The following BMP1 variants were observed in gnomAD, a reference collection of about 807,000 sequenced individuals.
The protein encoded by BMP1 is mammalian tolloid protein.
Under a neutral mutation model 116.8 loss-of-function variants are expected in BMP1, and 63 were observed. The ratio of observed to expected loss-of-function variants is 0.54; its 90% CI spans 0.44 to 0.67. The LOEUF (loss-of-function observed/expected upper bound fraction) is 0.67, where lower values mean the gene tolerates loss of function less well. BMP1 is among the 30% of genes least tolerant of loss of function. The pLI, the probability that BMP1 is intolerant of heterozygous loss-of-function variation, is 0.00. For missense variants in BMP1, 1,183 were observed against 1,358.9 expected, an observed-to-expected ratio of 0.87 and a Z score of 2.04; for synonymous variants, 536 against 533.4, an observed-to-expected ratio of 1.00 and a Z score of -0.07.
intron 16 of BMP1, among the ~76,000 whole-genome samples, chr8:22,206,191 A>G (rs1829350883): frequency 1.3e-5 from 2 of 151,810 alleles, no homozygotes; most frequent in African/African-American, 4.8e-5. Flanking sequence ...ACATGGTGAA[A>G]CTCTGTCTCT....
Position 22,165,543 on chromosome 8 carries a change from C to T in BMP1, c.138C>T (p.Pro46=). 6.3e-7 allele frequency: 1 copy of T among 1,584,720 alleles called. No homozygotes were observed. The highest frequency in any genetic ancestry group is 8.6e-7 in the Non-Finnish European group (1 of 1,168,604). ...DDSEPLNYKD[P]CKAAAFLGDI... ...CGGAGCCCCTCAACTACAAAGACCC[C>T]TGCAAGGCGGGTGAGCGCCCCCCGG... Residue 46 remains proline (P), a synonymous_variant, in exon 1 of 20, where the codon CCC becomes CCT. Transcript: ENST00000306385.
Position 22,201,935 on chromosome 8 carries a change from G to A in BMP1, c.2233+7G>A, listed in dbSNP as rs1829274207. 1.2e-6 allele frequency: 2 copies of A among 1,609,066 alleles called. No individual in the cohort carries two copies. The highest frequency in any genetic ancestry group is 2.2e-5 in the East Asian group (1 of 44,796). ...AAGCACGACTGCAAAGAAGGTACGG[G>A]CTGCATGCCAGGGGCATCTGGGCTT... On this transcript the variant is annotated splice_region_variant and intron_variant, in intron 16 of 19. Transcript: ENST00000306385.
Position 22,194,374 on chromosome 8 carries a change from A to C in BMP1, c.1298-71A>C, listed in dbSNP as rs534217311. The C allele has an allele frequency of 3.7e-5, 59 of 1,584,582 alleles. No homozygotes were observed. In the Middle Eastern group the frequency reaches 1.3e-3, roughly 36 times the overall value. ...CATGGGAGGGACTGGAGGAGTGGGGAAAAGAGCTCCCTAGCAGGGCAAAGC... is the reference window on the plus strand; with the variant it reads ...CATGGGAGGGACTGGAGGAGTGGGGCAAAGAGCTCCCTAGCAGGGCAAAGC... On this transcript the variant is annotated intron_variant, in intron 10 of 19. Coordinates refer to ENST00000306385, the MANE Select transcript of BMP1 (RefSeq NM_006129.5). This position sits in a 1 kb window ranked among gnomAD's most constrained non-coding sequence, Gnocchi z 4.5.
chr8:22,199,537 C>A, intron 15 of BMP1: 2 of 795,826 alleles, frequency 2.5e-6, no homozygotes, highest in South Asian at 4.4e-5. Flanking sequence ...CCCACTCATT[C>A]ATCCAGCCAT....
At chr8:22,205,559 G>A (rs117936265) in intron 16 of BMP1, among the ~76,000 whole-genome samples, 6,373 of 152,224 alleles carry the variant, frequency 0.042, 179 homozygotes, top group Middle Eastern at 0.075. Flanking sequence ...AGGATCGCTT[G>A]AATCCAGGAG....
At chr8:22,201,662 C>G (rs1054231864) in intron 15 of BMP1, 141 bp from the exon 16 acceptor site, 95 of 1,429,464 alleles carry the variant, frequency 6.6e-5, no homozygotes, top group Non-Finnish European at 8.6e-5. Context: ...CTCCCACTCC[C>G]GGCCACCTGG....
At chr8:22,188,352 T>G (rs1828836972) in intron 8 of BMP1, among the ~76,000 whole-genome samples, 1 of 152,104 alleles carries the variant, frequency 6.6e-6, no homozygotes, top group African/African-American at 2.4e-5. Context: ...AATTTTTTTG[T>G]AGAGATGGGG....
intron 13 of BMP1, chr8:22,196,055 C>A: frequency 2.6e-6 from 1 of 381,356 alleles, no homozygotes; most frequent in Non-Finnish European, 5.2e-6. Context: ...ACCCCGAGAA[C>A]ACACTGTCCC....
intron 13 of BMP1, 137 bp downstream of exon 13, chr8:22,195,724 A>G: frequency 3.2e-6 from 4 of 1,238,514 alleles, no homozygotes; most frequent in East Asian, 2.7e-5. Context: ...TTAGCTCACC[A>G]TAGCCTCCCA....
chr8:22,205,241 G>C (rs1452632847), intron 16 of BMP1, among the ~76,000 whole-genome samples: 2 of 152,158 alleles, frequency 1.3e-5, no homozygotes, highest in Non-Finnish European at 2.9e-5. Context: ...CAGTTACTAA[G>C]GAGGTGAGAG....
intron 8 of BMP1, among the ~76,000 whole-genome samples, chr8:22,184,792 TG>T (rs1277816439): frequency 6.6e-6 from 1 of 152,206 alleles, no homozygotes; most frequent in Admixed American, 6.5e-5. Context: ...CAGGTAGTAG[TG>T]GTGAAATTGG....
intron 8 of BMP1, among the ~76,000 whole-genome samples, chr8:22,182,787 C>T (rs1586447349): frequency 6.6e-6 from 1 of 152,292 alleles, no homozygotes; most frequent in Non-Finnish European, 1.5e-5. Flanking sequence ...ACACACACCC[C>T]TTTGAAGATT....
intron 19 of BMP1, among the ~76,000 whole-genome samples, chr8:22,210,598 G>C (rs2131906458): frequency 6.6e-6 from 1 of 152,276 alleles, no homozygotes; most frequent in Admixed American, 6.5e-5. Flanking sequence ...CCCAGGAAGG[G>C]TTAAAGCTCC....
Position 22,176,987 on chromosome 8 carries a change from G to A in BMP1, c.578G>A (p.Gly193Asp), listed in dbSNP as rs1828459106. Residue 193 changes from glycine to aspartate, a missense_variant, in exon 5 of 20, where the codon GGC becomes GAC. This residue lies in a region of BMP1 where 956 missense variants were observed against 1,135.2 expected (regional missense o/e 0.84). Transcript: ENST00000306385. ...TGCTGCTCCTACGTGGGTCGCCGCG[G>A]CGGGGGCCCCCAGGCCATCTCCATC... ...CGCCSYVGRR[G>D]GGPQAISIGK... is the part of the protein sequence containing the mutation. 6.2e-7 allele frequency: 1 copy of A among 1,612,054 alleles called. No homozygotes were observed. Among genetic ancestry groups the A allele is most frequent in the African/African-American group, 1.3e-5 (1 of 74,914 alleles).
Position 22,176,323 on chromosome 8 carries a change from C to T in BMP1, c.433+10C>T. 6.3e-7 allele frequency: 1 copy of T among 1,584,620 alleles called. No homozygotes were observed. ...GGGGGAAACTTCACTGGTGAGCGTG[C>T]TATTGTGGGTCCCAGAGTGTAACCA... On this transcript the variant is annotated intron_variant, in intron 3 of 19. Transcript: ENST00000306385.
rs140513402 is a variant in BMP1 at position 22,173,664 on chromosome 8, G to T, written c.211G>T (p.Ala71Ser). 8.9e-5 allele frequency: 144 copies of T among 1,613,762 alleles called. 1 individual carries two copies. In the African/African-American group the frequency reaches 1.7e-3, roughly 19 times the overall value. The change falls in exon 2 of 20, where the codon GCT becomes TCT. Residue 71 changes from alanine to serine, a missense_variant. By Grantham distance (99) the Ala-to-Ser change is moderately conservative. Coordinates refer to ENST00000306385, the MANE Select transcript of BMP1 (RefSeq NM_006129.5). Reference sequence around the variant, plus strand: ...CCTGAGGGCCTTCCAGGTACAGCAGGCTGTGGATCTCAGACGGCACACAGC... The same window carrying T: ...CCTGAGGGCCTTCCAGGTACAGCAGTCTGTGGATCTCAGACGGCACACAGC... ...EDLRAFQVQQ[A>S]VDLRRHTARK... is the part of the protein sequence containing the mutation.
chr8:22,196,896 A>G lies in BMP1; in HGVS notation c.1926+56A>G. The G allele has an allele frequency of 2.6e-6, 4 of 1,558,274 alleles. No individual in the cohort carries two copies. The African/African-American group carries it at 5.4e-5, about 21-fold the overall frequency. On this transcript the variant is annotated intron_variant, in intron 14 of 19. Transcript: ENST00000306385. Reference sequence around the variant, plus strand: ...AGGAAGCTGTGAGGCGTGGGCATTCAGCTCAGTGCCTGCTTCCTGTCCTCT... The same window carrying G: ...AGGAAGCTGTGAGGCGTGGGCATTCGGCTCAGTGCCTGCTTCCTGTCCTCT...
chr8:22,180,322 G>T, intron 7 of BMP1, 46 bp from the exon 8 acceptor site: 3 of 1,499,012 alleles, frequency 2.0e-6, no homozygotes, highest in Non-Finnish European at 2.8e-6. Flanking sequence ...GAAGATGGGG[G>T]GATTTGGCGC....
chr8:22,197,449 C>T, intron 15 of BMP1, 29 bp downstream of exon 15: 1 of 1,581,524 alleles, frequency 6.3e-7, no homozygotes, highest in South Asian at 1.1e-5. Flanking sequence ...GCTCCTAGCC[C>T]CACCTCTCCT....
Sources: allele counts gnomAD v4.1 joint callset (sites outside exome capture counted in the v4.1 genomes callset), GRCh38; gene constraint gnomAD v4.1.1; regional missense constraint gnomAD v4.1.1; non-coding constraint Gnocchi (gnomAD v3.1); transcripts MANE v1.5; gene names NCBI Gene and HGNC (gene_info 2026-07-23, HGNC 2026-07-21).